The following RANBP9 variants were observed in gnomAD, a reference collection of about 807,000 sequenced individuals.
RANBP9 encodes RAN binding protein 9, also known as ran-binding protein 9.
RANBP9 carries 15 observed loss-of-function variants against 84.3 expected under a neutral mutation model. That is an observed-to-expected ratio of 0.18 (90% CI 0.12 to 0.27). RANBP9 has a LOEUF of 0.27. Ranked by LOEUF, RANBP9 falls within the 10% of genes least tolerant of loss-of-function variation. The probability of loss-of-function intolerance (pLI) is 1.00; values close to 1 mark genes in which losing one functional copy is unlikely to be tolerated. For synonymous variants in RANBP9, 392 were observed against 349.6 expected (o/e 1.12, Z -1.35); for missense variants, 809 against 912.8 (o/e 0.89, Z 1.46).
intron 2 of RANBP9, among the ~76,000 whole-genome samples, chr6:13,672,769 A>G (rs1045220015): frequency 2.6e-5 from 4 of 152,180 alleles, no homozygotes; most frequent in Non-Finnish European, 4.4e-5. Context: ...GCTAAGGGCT[A>G]TAAGAAAGAA....
chr6:13,699,018 T>A (rs1334116912), intron 1 of RANBP9, among the ~76,000 whole-genome samples: 2 of 152,210 alleles, frequency 1.3e-5, no homozygotes. Context: ...AAGAGTTGGG[T>A]GCTTTTGTAT....
intron 10 of RANBP9, 39 bp from the exon 11 acceptor site, chr6:13,634,591 T>TA (rs749483947): frequency 1.9e-6 from 3 of 1,560,436 alleles, no homozygotes; most frequent in Non-Finnish European, 2.6e-6. Flanking sequence ...AGAAATATCA[T>TA]ACTTGCAGCT....
chr6:13,692,257 CAGG>C (rs1431870759), intron 2 of RANBP9, among the ~76,000 whole-genome samples: 1 of 151,982 alleles, frequency 6.6e-6, no homozygotes, highest in Non-Finnish European at 1.5e-5. Context: ...ATAGTTTGGC[CAGG>C]CGCGGTGGCT....
chr6:13,637,567 C>G (rs960870306), intron 10 of RANBP9, among the ~76,000 whole-genome samples: 1 of 152,130 alleles, frequency 6.6e-6, no homozygotes, highest in Non-Finnish European at 1.5e-5. Flanking sequence ...GTCCTTATAA[C>G]TTTACTAGAG....
intron 2 of RANBP9, among the ~76,000 whole-genome samples, chr6:13,688,465 T>C (rs1387976550): frequency 2.6e-5 from 4 of 152,172 alleles, no homozygotes; most frequent in Non-Finnish European, 5.9e-5. Flanking sequence ...AATTTGTTTA[T>C]ATGTCTACTA....
chr6:13,698,200 T>C (rs1037237957), intron 1 of RANBP9, among the ~76,000 whole-genome samples: 1 of 152,082 alleles, frequency 6.6e-6, no homozygotes, highest in Admixed American at 6.6e-5. Context: ...TCCATTACCA[T>C]GAAAACTTGG....
intron 2 of RANBP9, among the ~76,000 whole-genome samples, chr6:13,692,543 A>C (rs1364717089): frequency 5.4e-5 from 8 of 147,700 alleles, no homozygotes; most frequent in South Asian, 2.1e-4. Flanking sequence ...AAAAAAAAAA[A>C]AAAAAAAAAA....
At chr6:13,705,412 A>G (rs1367582912) in intron 1 of RANBP9, among the ~76,000 whole-genome samples, 108 of 144,148 alleles carry the variant, frequency 7.5e-4, no homozygotes, top group African/African-American at 2.8e-3. Context: ...GTCTCAAAAA[A>G]AAAAAAAAAA....
intron 2 of RANBP9, 101 bp downstream of exon 2, chr6:13,696,684 T>G: frequency 1.1e-6 from 1 of 936,856 alleles, no homozygotes; most frequent in Non-Finnish European, 1.6e-6. Flanking sequence ...CTTTTCCAAT[T>G]AGCAAAATTT....
intron 4 of RANBP9, among the ~76,000 whole-genome samples, chr6:13,655,434 T>G (rs1323099910): frequency 6.6e-6 from 1 of 152,090 alleles, no homozygotes; most frequent in African/African-American, 2.4e-5. Flanking sequence ...ATCACTGTAC[T>G]CCTGCCTTGG....
At chr6:13,688,224 C>T (rs1766237582) in intron 2 of RANBP9, among the ~76,000 whole-genome samples, 1 of 152,158 alleles carries the variant, frequency 6.6e-6, no homozygotes, top group Non-Finnish European at 1.5e-5. Flanking sequence ...TTTACATCTC[C>T]ACTATATTTC....
chr6:13,636,572 T>C (rs1403078137), intron 10 of RANBP9, among the ~76,000 whole-genome samples: 1 of 152,158 alleles, frequency 6.6e-6, no homozygotes, highest in Non-Finnish European at 1.5e-5. Context: ...CCCTCAAACA[T>C]TGGCAAGAGC....
At chr6:13,631,073 G>A (rs560044543) in intron 12 of RANBP9, among the ~76,000 whole-genome samples, 1 of 152,274 alleles carries the variant, frequency 6.6e-6, no homozygotes, top group South Asian at 2.1e-4. Context: ...CTCCCAAAGT[G>A]CTGGGAATAC....
At chr6:13,700,619 C>G (rs886419452) in intron 1 of RANBP9, among the ~76,000 whole-genome samples, 3 of 152,210 alleles carry the variant, frequency 2.0e-5, no homozygotes, top group Non-Finnish European at 2.9e-5. Flanking sequence ...CTCTCCTGCA[C>G]ATTTACACAC....
At chr6:13,706,649 C>T (rs371615712) in intron 1 of RANBP9, among the ~76,000 whole-genome samples, 28 of 148,332 alleles carry the variant, frequency 1.9e-4, no homozygotes, top group African/African-American at 6.3e-4. Context: ...GCCAAGATGG[C>T]GCCACTGTAC....
intron 2 of RANBP9, among the ~76,000 whole-genome samples, chr6:13,683,856 G>A (rs572732466): frequency 4.6e-5 from 7 of 151,746 alleles, no homozygotes; most frequent in South Asian, 2.1e-4. Context: ...GATTTAAACT[G>A]CACTAAAGAT....
intron 2 of RANBP9, among the ~76,000 whole-genome samples, chr6:13,681,692 AC>A (rs1373638712): frequency 7.2e-5 from 11 of 152,186 alleles, no homozygotes; most frequent in Non-Finnish European, 1.6e-4. Flanking sequence ...TCCTCTACTT[AC>A]AGCCAACTAG....
At chr6:13,671,496 T>C (rs186711196) in intron 2 of RANBP9, among the ~76,000 whole-genome samples, 265 of 152,250 alleles carry the variant, frequency 1.7e-3, no homozygotes, top group African/African-American at 6.1e-3. Flanking sequence ...AAATCAACCT[T>C]TAAAACATTA....
chr6:13,690,812 G>C (rs142354231), intron 2 of RANBP9, among the ~76,000 whole-genome samples: 69 of 152,122 alleles, frequency 4.5e-4, no homozygotes, highest in African/African-American at 1.6e-3. Context: ...CATCTCAACG[G>C]TCAATGATCA....
Sources: allele counts gnomAD v4.1 joint callset (sites outside exome capture counted in the v4.1 genomes callset), GRCh38; gene constraint gnomAD v4.1.1; transcripts MANE v1.5; gene names NCBI Gene and HGNC (gene_info 2026-07-23, HGNC 2026-07-21).